The following MCU variants were observed in gnomAD, a reference collection of about 807,000 sequenced individuals.
MCU encodes the protein mitochondrial calcium uniporter.
Under a neutral mutation model 45.2 loss-of-function variants are expected in MCU, and 12 were observed. The ratio of observed to expected loss-of-function variants is 0.27; its 90% confidence interval spans 0.17 to 0.43. MCU has a LOEUF of 0.43. Among genes scored for constraint, MCU ranks in the 20% least tolerant of loss-of-function variants. The pLI is 1.00. For synonymous variants in MCU, 160 were observed against 165.1 expected (o/e 0.97, Z 0.24); for missense variants, 324 against 436.7 (o/e 0.74, Z 2.30).
At chr10:72,698,915 G>A (rs1309273621) in intron 1 of MCU, among the ~76,000 whole-genome samples, 4 of 151,972 alleles carry the variant, frequency 2.6e-5, no homozygotes, top group African/African-American at 4.8e-5. Context: ...GTGATCCTCC[G>A]ACCTCAGCCT....
chr10:72,846,128 T>A (rs369103703), intron 2 of MCU, among the ~76,000 whole-genome samples: 13 of 152,214 alleles, frequency 8.5e-5, no homozygotes, highest in African/African-American at 2.9e-4. Context: ...CTGCAACCTC[T>A]GCCTCCCAGG....
At chr10:72,884,805 G>A (rs1441754501) in intron 7 of MCU, among the ~76,000 whole-genome samples, 2 of 152,158 alleles carry the variant, frequency 1.3e-5, no homozygotes, top group Non-Finnish European at 2.9e-5. Context: ...AAGACTGCTA[G>A]AGATCTTTGC....
chr10:72,702,268 AAAGAAG>A (rs993498854), intron 1 of MCU, among the ~76,000 whole-genome samples: 2 of 152,046 alleles, frequency 1.3e-5, no homozygotes, highest in Non-Finnish European at 2.9e-5. Context: ...AAGAAAAAAA[AAAGAAG>A]AAGAAAAAGA....
intron 1 of MCU, among the ~76,000 whole-genome samples, chr10:72,795,913 G>T (rs942797489): frequency 1.3e-5 from 2 of 152,022 alleles, no homozygotes; most frequent in East Asian, 1.9e-4. Context: ...CAGGAGAATC[G>T]CTTGAACCTG....
chr10:72,742,878 C>T (rs1843354827), intron 1 of MCU, among the ~76,000 whole-genome samples: 1 of 151,998 alleles, frequency 6.6e-6, no homozygotes, highest in Non-Finnish European at 1.5e-5. Flanking sequence ...GAGGTGATTT[C>T]TAGGGGGTGC....
At chr10:72,827,441 TTTTA>T (rs1320757775) in intron 1 of MCU, among the ~76,000 whole-genome samples, 1 of 152,214 alleles carries the variant, frequency 6.6e-6, no homozygotes, top group Non-Finnish European at 1.5e-5. Context: ...TCATAATTAC[TTTTA>T]TTTATCAGAG....
intron 1 of MCU, among the ~76,000 whole-genome samples, chr10:72,762,442 T>A (rs1281569879): frequency 6.6e-6 from 1 of 151,898 alleles, no homozygotes; most frequent in African/African-American, 2.4e-5. Context: ...TTTTTTTTTT[T>A]AAACTACATA....
intron 1 of MCU, among the ~76,000 whole-genome samples, chr10:72,696,639 T>C (rs1199338866): frequency 6.6e-6 from 1 of 152,182 alleles, no homozygotes; most frequent in Non-Finnish European, 1.5e-5. Context: ...TAATCTTAAC[T>C]GGGGAGATAA....
chr10:72,820,318 A>C (rs1224680165), intron 1 of MCU, among the ~76,000 whole-genome samples: 1 of 152,150 alleles, frequency 6.6e-6, no homozygotes, highest in Non-Finnish European at 1.5e-5. Context: ...TCCTATTCTC[A>C]TACTCATGAA....
intron 1 of MCU, among the ~76,000 whole-genome samples, chr10:72,797,603 C>T (rs1251675043): frequency 5.6e-5 from 7 of 125,632 alleles, no homozygotes; most frequent in Admixed American, 8.5e-5. Flanking sequence ...GGCACTGTGT[C>T]GGCTCACTGC....
intron 2 of MCU, among the ~76,000 whole-genome samples, chr10:72,845,374 AG>A (rs1845105753): frequency 6.6e-6 from 1 of 152,150 alleles, no homozygotes; most frequent in African/African-American, 2.4e-5. Flanking sequence ...TATTTATAAT[AG>A]GGGGAAAATC....
intron 1 of MCU, among the ~76,000 whole-genome samples, chr10:72,740,860 A>G (rs545206635): frequency 2.6e-5 from 4 of 152,342 alleles, no homozygotes; most frequent in East Asian, 3.9e-4. Flanking sequence ...TCTGAGAGAA[A>G]AAGTTTACAA....
intron 1 of MCU, among the ~76,000 whole-genome samples, chr10:72,809,203 A>G (rs1243897023): frequency 6.6e-6 from 1 of 152,212 alleles, no homozygotes; most frequent in Non-Finnish European, 1.5e-5. Flanking sequence ...AATGCTTTAT[A>G]TGCATTAGCC....
intron 1 of MCU, among the ~76,000 whole-genome samples, chr10:72,799,124 A>C (rs970644324): frequency 2.6e-5 from 4 of 151,688 alleles, no homozygotes; most frequent in Non-Finnish European, 5.9e-5. Context: ...ACGGGGTTTC[A>C]CCATATGGCC....
chr10:72,878,381 C>G (rs1372056808), intron 6 of MCU, among the ~76,000 whole-genome samples: 1 of 151,998 alleles, frequency 6.6e-6, no homozygotes, highest in Non-Finnish European at 1.5e-5. Flanking sequence ...CTCAGCCTCC[C>G]AAAGTGCTGG....
intron 1 of MCU, among the ~76,000 whole-genome samples, chr10:72,737,150 C>T (rs1843262235): frequency 3.9e-5 from 6 of 152,098 alleles, no homozygotes. Flanking sequence ...TTGTTGATAC[C>T]ATAGTAGTTG....
At chr10:72,805,145 TTCTTTCTTTCTTTCTGTC>T (rs1844420304) in intron 1 of MCU, among the ~76,000 whole-genome samples, 2 of 139,590 alleles carry the variant, frequency 1.4e-5, no homozygotes, top group African/African-American at 6.1e-5. Flanking sequence ...CTTTCTTTCT[TTCTTTCTTTCTTTCTGTC>T]TCTCTCTCTC....
chr10:72,758,794 G>A (rs1843613644), intron 1 of MCU, among the ~76,000 whole-genome samples: 2 of 152,022 alleles, frequency 1.3e-5, no homozygotes. Flanking sequence ...GAGAAATTTA[G>A]TGTTTGAGGC....
chr10:72,823,499 G>GT (rs1844745629), intron 1 of MCU, among the ~76,000 whole-genome samples: 1 of 152,068 alleles, frequency 6.6e-6, no homozygotes, highest in South Asian at 2.1e-4. Flanking sequence ...TGGGTTGAGT[G>GT]TTTTCAGTTT....
Sources: gnomAD v4.1 joint callset for allele counts (sites outside exome capture counted in the v4.1 genomes callset) on GRCh38, gnomAD v4.1.1 for gene constraint, MANE v1.5 for transcripts, NCBI Gene and HGNC (gene_info 2026-07-23, HGNC 2026-07-21) for gene names.